Variants in EXOC4 observed in about 807,000 individuals in gnomAD.
The protein encoded by EXOC4 is exocyst complex component 4.
In EXOC4, 71 loss-of-function variants were observed where a neutral mutation model predicts 107.2. The observed-to-expected ratio is 0.66, with a 90% CI of 0.55 to 0.81. EXOC4 has a LOEUF of 0.81. Ranked by LOEUF, EXOC4 falls within the 30% of genes least tolerant of loss-of-function variation. EXOC4 has a pLI of 0.00. For synonymous variants in EXOC4, 456 were observed against 441.2 expected (o/e 1.03, Z -0.42); for missense variants, 1,108 against 1,189.6 (o/e 0.93, Z 1.01).
At chr7:133,626,570 G>T (rs1476777747) in intron 9 of EXOC4, among the ~76,000 whole-genome samples, 4 of 152,162 alleles carry the variant, frequency 2.6e-5, no homozygotes, top group Admixed American at 2.0e-4. Context: ...GTAGGGAGGA[G>T]AGTCTCTTTT....
intron 10 of EXOC4, among the ~76,000 whole-genome samples, chr7:133,675,720 A>G (rs1324505383): frequency 6.6e-6 from 1 of 152,200 alleles, no homozygotes; most frequent in African/African-American, 2.4e-5. Flanking sequence ...ATCTCCAGAT[A>G]ACGGCGTAGG....
intron 11 of EXOC4, among the ~76,000 whole-genome samples, chr7:133,837,853 A>G (rs1797949265): frequency 6.6e-6 from 1 of 152,206 alleles, no homozygotes; most frequent in African/African-American, 2.4e-5. Context: ...TCCTAACTCA[A>G]AAACTTAGAA....
chr7:133,445,726 G>C (rs117393465), intron 7 of EXOC4, among the ~76,000 whole-genome samples: 2,106 of 152,180 alleles, frequency 0.014, 23 homozygotes, highest in Non-Finnish European at 0.023. Context: ...CTTACCAGGA[G>C]CTGCGTTATC....
At chr7:134,016,821 C>T (rs973066181) in intron 17 of EXOC4, among the ~76,000 whole-genome samples, 1 of 152,156 alleles carries the variant, frequency 6.6e-6, no homozygotes, top group Non-Finnish European at 1.5e-5. Flanking sequence ...TTTGGAATGA[C>T]CAAAGTGTAG....
intron 12 of EXOC4, among the ~76,000 whole-genome samples, chr7:133,904,334 G>T (rs886227251): frequency 6.6e-6 from 1 of 152,126 alleles, no homozygotes; most frequent in African/African-American, 2.4e-5. Flanking sequence ...TGGTTTAGGC[G>T]GGAACATGGA....
chr7:133,845,032 T>C (rs190884175), intron 11 of EXOC4, among the ~76,000 whole-genome samples: 8 of 152,330 alleles, frequency 5.3e-5, no homozygotes, highest in Admixed American at 3.3e-4. Flanking sequence ...ACATTGAAAT[T>C]TGTATGTATA....
chr7:133,408,970 A>G (rs1157721098), intron 7 of EXOC4, among the ~76,000 whole-genome samples: 2 of 152,202 alleles, frequency 1.3e-5, no homozygotes, highest in African/African-American at 2.4e-5. Flanking sequence ...AGCCTGTGTT[A>G]GGACCATCTT....
At chr7:134,015,873 C>CAA (rs55846835) in intron 17 of EXOC4, among the ~76,000 whole-genome samples, 34 of 109,674 alleles carry the variant, frequency 3.1e-4, no homozygotes, top group African/African-American at 1.1e-3. Flanking sequence ...GACTCCGTCT[C>CAA]AAAAAAAAAA....
intron 10 of EXOC4, among the ~76,000 whole-genome samples, chr7:133,711,566 A>G (rs569582829): frequency 1.4e-4 from 22 of 152,320 alleles, no homozygotes; most frequent in Admixed American, 3.9e-4. Flanking sequence ...GACTCTGTCA[A>G]TCTGGGGTGT....
chr7:133,864,865 T>C (rs1169491698), intron 11 of EXOC4, among the ~76,000 whole-genome samples: 1 of 152,164 alleles, frequency 6.6e-6, no homozygotes, highest in Admixed American at 6.5e-5. Context: ...TGGACACCTT[T>C]GTCCCCATGA....
intron 17 of EXOC4, among the ~76,000 whole-genome samples, chr7:134,041,954 TAC>T (rs1795529733): frequency 6.6e-6 from 1 of 152,202 alleles, no homozygotes; most frequent in Non-Finnish European, 1.5e-5. Flanking sequence ...CCAGCTGTGT[TAC>T]ATTCTGCTGG....
chr7:133,496,825 G>C (rs1285252626), intron 9 of EXOC4, among the ~76,000 whole-genome samples: 3 of 152,054 alleles, frequency 2.0e-5, no homozygotes, highest in Non-Finnish European at 4.4e-5. Flanking sequence ...CACTCTCGGG[G>C]TTAGTTTTTT....
intron 9 of EXOC4, among the ~76,000 whole-genome samples, chr7:133,549,792 C>T (rs1018528785): frequency 3.9e-5 from 6 of 152,156 alleles, no homozygotes; most frequent in African/African-American, 1.4e-4. Flanking sequence ...TGGCAGATGT[C>T]ATGTTGAAAT....
At chr7:134,006,213 T>C (rs1368339471) in intron 16 of EXOC4, among the ~76,000 whole-genome samples, 3 of 151,538 alleles carry the variant, frequency 2.0e-5, no homozygotes, top group Non-Finnish European at 4.4e-5. Flanking sequence ...TATTATAATA[T>C]ATTATTATTT....
At chr7:133,560,385 A>T (rs1050217355) in intron 9 of EXOC4, among the ~76,000 whole-genome samples, 1 of 152,130 alleles carries the variant, frequency 6.6e-6, no homozygotes, top group Non-Finnish European at 1.5e-5. Context: ...CCTGGATTCA[A>T]TTGATTCTCA....
intron 9 of EXOC4, among the ~76,000 whole-genome samples, chr7:133,519,350 G>A (rs1188442765): frequency 6.6e-6 from 1 of 152,138 alleles, no homozygotes; most frequent in Non-Finnish European, 1.5e-5. Context: ...TTGAGCCCAG[G>A]AGGTCGAGGC....
intron 10 of EXOC4, among the ~76,000 whole-genome samples, chr7:133,802,918 T>C (rs1042425742): frequency 6.6e-6 from 1 of 150,796 alleles, no homozygotes; most frequent in African/African-American, 2.4e-5. Context: ...GAAGAACTTA[T>C]TATATTGCTT....
chr7:133,801,511 G>C (rs899507592), intron 10 of EXOC4, among the ~76,000 whole-genome samples: 2 of 152,098 alleles, frequency 1.3e-5, no homozygotes, highest in Admixed American at 1.3e-4. Flanking sequence ...ATGTTAGATG[G>C]GTGCATCAAC....
rs146283582 is a variant in EXOC4, at chr7:133,489,876, G to A, written c.1417+9738G>A. On this transcript the variant is annotated intron_variant, in intron 9 of 17. Transcript: ENST00000253861. ...AAATTCATAGAGTCCCTGATATTTC[G>A]CTAGTCACAGGGCCACCCAAAATAG... 5.0e-4 allele frequency among the ~76,000 whole-genome samples: 76 copies of A among 152,178 alleles called. No homozygotes were observed. In the East Asian group the frequency reaches 0.013, roughly 26 times the overall value.
Sources: gnomAD v4.1 joint callset for allele counts (sites outside exome capture counted in the v4.1 genomes callset) on GRCh38, gnomAD v4.1.1 for gene constraint, MANE v1.5 for transcripts, NCBI Gene and HGNC (gene_info 2026-07-23, HGNC 2026-07-21) for gene names.